Variants in AGAP1 observed in about 807,000 individuals in gnomAD.
AGAP1 encodes arf-GAP with GTPase, ANK repeat and PH domain-containing protein 1.
A neutral mutation model predicts 105.3 loss-of-function variants in AGAP1; 29 were observed. The observed-to-expected ratio is 0.28, with a 90% CI of 0.21 to 0.38. The LOEUF (loss-of-function observed/expected upper bound fraction) is 0.38, where lower values mean the gene tolerates loss of function less well. Ranked by LOEUF, AGAP1 falls within the 10% of genes least tolerant of loss-of-function variation. The pLI is 1.00. For missense variants in AGAP1, 998 were observed against 1,165.1 expected (o/e 0.86, Z 2.09); for synonymous variants, 509 against 485.9 (o/e 1.05, Z -0.63).
chr2:235,984,857 G>T (rs933222127), intron 13 of AGAP1, among the ~76,000 whole-genome samples: 3 of 152,016 alleles, frequency 2.0e-5, no homozygotes, highest in Admixed American at 2.0e-4. Flanking sequence ...TGTCATTGTT[G>T]GACATTTGGG....
At chr2:235,759,164 CTTTTTT>C (rs560528348) in intron 6 of AGAP1, among the ~76,000 whole-genome samples, 4 of 104,106 alleles carry the variant, frequency 3.8e-5, no homozygotes, top group Middle Eastern at 5.3e-3. Flanking sequence ...TGATGTCATT[CTTTTTT>C]TTTTTTTTTT....
Position 236,040,808 on chromosome 2 carries a change from G to A in AGAP1, c.1858G>A (p.Gly620Arg), listed in dbSNP as rs769025509. ...CCTGCAGTCGATCCGGAACATGCGC[G>A]GGAACTCCCACTGTGTGGACTGCGA... ...MALQSIRNMRGNSHCVDCETQ... is the reference protein window; with the variant it reads ...MALQSIRNMRRNSHCVDCETQ... The change falls in exon 15 of 18, where the codon GGG (glycine) becomes AGG (arginine). Residue 620 changes from glycine (G) to arginine (R), a missense_variant. Coordinates refer to ENST00000304032, the MANE Select transcript of AGAP1 (RefSeq NM_001037131.3). The surrounding 1 kb of genome is among the most constrained non-coding windows in gnomAD (Gnocchi z 5.6). 16 of 1,613,984 alleles carry A rather than the reference G, an allele frequency of 9.9e-6. No individual in the cohort carries two copies. The East Asian group carries it at 3.1e-4, about 31-fold the overall frequency.
At chr2:235,528,741 A>G (rs1942940512) in intron 1 of AGAP1, among the ~76,000 whole-genome samples, 1 of 152,072 alleles carries the variant, frequency 6.6e-6, no homozygotes, top group African/African-American at 2.4e-5. Flanking sequence ...CAGTGGCGTG[A>G]TCTTGGCTCA....
Position 235,692,089 on chromosome 2 carries a change from C to T in AGAP1, c.164-17090C>T, listed in dbSNP as rs1949759627. On this transcript the variant is annotated intron_variant, in intron 1 of 17. Transcript: ENST00000304032. The surrounding 1 kb of genome is among the most constrained non-coding windows in gnomAD (Gnocchi z 5.8). ...CAAGTAAACAAAATAAATTCAGACC[C>T]CAAGTGCGCATATTGAGTTTGAATA... 6.6e-6 allele frequency among the ~76,000 whole-genome samples: 1 copy of T among 152,048 alleles called. No homozygotes were observed.
intron 1 of AGAP1, among the ~76,000 whole-genome samples, chr2:235,510,791 G>GA (rs1942037454): frequency 6.6e-6 from 1 of 151,990 alleles, no homozygotes; most frequent in African/African-American, 2.4e-5. Context: ...CTGATGAGGG[G>GA]GGTGGGAGGC....
chr2:235,935,171 G>T (rs953142826), intron 12 of AGAP1, among the ~76,000 whole-genome samples: 4 of 152,168 alleles, frequency 2.6e-5, no homozygotes, highest in African/African-American at 9.7e-5. Context: ...AAAATTAAAT[G>T]TCTAATATAA....
chr2:235,766,873 C>G (rs1173624800), intron 6 of AGAP1, among the ~76,000 whole-genome samples: 1 of 149,968 alleles, frequency 6.7e-6, no homozygotes, highest in African/African-American at 2.5e-5. Flanking sequence ...TCCCGAGTAG[C>G]TGGGATTATA....
At chr2:235,572,475 T>A (rs1944560531) in intron 1 of AGAP1, among the ~76,000 whole-genome samples, 1 of 152,022 alleles carries the variant, frequency 6.6e-6, no homozygotes, top group South Asian at 2.1e-4. Flanking sequence ...CCGCAGGTGC[T>A]CCTCTGTCCT....
At chr2:236,067,248 C>T (rs1459269123) in intron 16 of AGAP1, among the ~76,000 whole-genome samples, 14 of 152,090 alleles carry the variant, frequency 9.2e-5, no homozygotes, top group Admixed American at 9.2e-4. Flanking sequence ...GTAGTACCTG[C>T]CTCATCAGGA....
At chr2:235,510,945 A>C (rs865774477) in intron 1 of AGAP1, among the ~76,000 whole-genome samples, 10 of 119,512 alleles carry the variant, frequency 8.4e-5, no homozygotes, top group East Asian at 3.0e-4. Flanking sequence ...CCTGTCTGTA[A>C]ATCCGGATGT....
chr2:235,503,471 T>G (rs971954386), intron 1 of AGAP1, among the ~76,000 whole-genome samples: 3 of 152,176 alleles, frequency 2.0e-5, no homozygotes, highest in African/African-American at 7.2e-5. Context: ...CAGCATTGTG[T>G]TAATTTTAGC....
intron 9 of AGAP1, among the ~76,000 whole-genome samples, chr2:235,857,851 A>G (rs1035821919): frequency 1.3e-5 from 2 of 152,198 alleles, no homozygotes; most frequent in Non-Finnish European, 2.9e-5. Context: ...CGCTGGAAGA[A>G]CCAGAGCCTG....
chr2:235,904,363 A>T lies in AGAP1; in HGVS notation c.1156-4375A>T, dbSNP rs971539151. Among the ~76,000 whole-genome samples the T allele has an allele frequency of 6.6e-6, 1 of 152,098 alleles. No individual in the cohort carries two copies. The highest frequency in any genetic ancestry group is 2.4e-5 in the African/African-American group (1 of 41,412). ...CTTGGAAAAAATAAGCCGCATGATGATCATGGACAACTTGAGAAGGAAAAT... is the reference window on the plus strand; with the variant it reads ...CTTGGAAAAAATAAGCCGCATGATGTTCATGGACAACTTGAGAAGGAAAAT... On this transcript the variant is annotated intron_variant, in intron 10 of 17. Coordinates refer to ENST00000304032, the MANE Select transcript of AGAP1 (RefSeq NM_001037131.3). This position sits in a 1 kb window ranked among gnomAD's most constrained non-coding sequence, Gnocchi z 4.2.
At chr2:235,528,833 A>G (rs1414757970) in intron 1 of AGAP1, among the ~76,000 whole-genome samples, 1 of 151,750 alleles carries the variant, frequency 6.6e-6, no homozygotes, top group Non-Finnish European at 1.5e-5. Context: ...ATGTGCCACC[A>G]TGCCCGGCTA....
intron 13 of AGAP1, among the ~76,000 whole-genome samples, chr2:236,016,770 A>G (rs1045892369): frequency 1.3e-5 from 2 of 152,166 alleles, no homozygotes; most frequent in Non-Finnish European, 2.9e-5. Context: ...TCCCTCTGTC[A>G]GTAGCTATGA....
At chr2:236,028,182 T>G (rs1262282722) in intron 13 of AGAP1, among the ~76,000 whole-genome samples, 1 of 152,198 alleles carries the variant, frequency 6.6e-6, no homozygotes, top group East Asian at 1.9e-4. Context: ...CCCATCAGCC[T>G]GGGTCACAGG....
At chr2:235,637,112 C>T (rs1205085678) in intron 1 of AGAP1, among the ~76,000 whole-genome samples, 1 of 152,118 alleles carries the variant, frequency 6.6e-6, no homozygotes, top group Non-Finnish European at 1.5e-5. Flanking sequence ...GTTAGAGCAG[C>T]CCCAGGAAAC....
At chr2:235,857,604 A>G (rs10202922) in intron 9 of AGAP1, among the ~76,000 whole-genome samples, 73,117 of 152,066 alleles carry the variant, frequency 0.48, 19,501 homozygotes, top group East Asian at 0.8. Flanking sequence ...GATGCATTGC[A>G]TGTCACATGT....
At chr2:235,991,573 A>G (rs1349603139) in intron 13 of AGAP1, among the ~76,000 whole-genome samples, 2 of 152,250 alleles carry the variant, frequency 1.3e-5, no homozygotes, top group Non-Finnish European at 2.9e-5. Flanking sequence ...GGTTTTTTAA[A>G]TCATTTCATT....
Sources: gnomAD v4.1 joint callset for allele counts (sites outside exome capture counted in the v4.1 genomes callset) on GRCh38, gnomAD v4.1.1 for gene constraint, Gnocchi (gnomAD v3.1) non-coding constraint, MANE v1.5 for transcripts, NCBI Gene and HGNC (gene_info 2026-07-23, HGNC 2026-07-21) for gene names.